SORCS3: variants seen among roughly 807,000 people sequenced by gnomAD.
SORCS3 encodes VPS10 domain-containing receptor SorCS3.
A neutral mutation model predicts 146.3 loss-of-function variants in SORCS3; 57 were observed. The ratio of observed to expected loss-of-function variants is 0.39; its 90% CI spans 0.31 to 0.49. SORCS3 has a LOEUF of 0.49. Among genes scored for constraint, SORCS3 ranks in the 20% least tolerant of loss-of-function variants. SORCS3 has a pLI of 0.92. For missense variants in SORCS3, 1,341 were observed against 1,575.5 expected, an observed-to-expected ratio of 0.85 and a Z score of 2.52; for synonymous variants, 653 against 618.5, an observed-to-expected ratio of 1.06 and a Z score of -0.83.
In SORCS3 at chr10:104,858,869, C is replaced by G. The variant is rs558678242; in HGVS notation, c.695+16010C>G. ...ATCTCCTGACCTCGTGATCCGCCCC[C>G]CTCAGCCTCCCAAAGTGCTGGGATT... On this transcript the variant is annotated intron_variant, in intron 2 of 26. Transcript: ENST00000369701. 3.4e-3 allele frequency among the ~76,000 whole-genome samples: 508 copies of G among 150,834 alleles called. 2 individuals are homozygous for G. The highest frequency in any genetic ancestry group is 0.018 in the South Asian group (85 of 4,780).
chr10:104,948,685 C>A (rs760334111), intron 3 of SORCS3, among the ~76,000 whole-genome samples: 47 of 152,190 alleles, frequency 3.1e-4, no homozygotes, highest in Non-Finnish European at 6.2e-4. Context: ...AGGGAAGGAA[C>A]CTCTGCAAGA....
intron 22 of SORCS3, 139 bp downstream of exon 22, chr10:105,247,470 C>T (rs955582226): frequency 9.5e-6 from 5 of 523,862 alleles, no homozygotes; most frequent in Non-Finnish European, 1.7e-5. Flanking sequence ...AGAGAAGAGG[C>T]TGGGTGCAGT....
intron 4 of SORCS3, among the ~76,000 whole-genome samples, chr10:104,999,803 G>T (rs537889945): frequency 9.6e-4 from 146 of 151,982 alleles, no homozygotes; most frequent in Non-Finnish European, 1.5e-3. Context: ...TCCACAAGTG[G>T]GACTCAGATT....
At chr10:104,691,829 C>A (rs2016116768) in intron 1 of SORCS3, among the ~76,000 whole-genome samples, 1 of 152,148 alleles carries the variant, frequency 6.6e-6, no homozygotes, top group South Asian at 2.1e-4. Flanking sequence ...TAACTTCAAA[C>A]TCCTGGGCTC....
intron 3 of SORCS3, among the ~76,000 whole-genome samples, chr10:104,953,567 G>A (rs1046484375): frequency 1.5e-4 from 23 of 152,338 alleles, no homozygotes; most frequent in African/African-American, 5.1e-4. Context: ...GCATTTTCCA[G>A]GTGCCACCAT....
At chr10:104,690,106 G>C (rs1445154282) in intron 1 of SORCS3, among the ~76,000 whole-genome samples, 1 of 152,176 alleles carries the variant, frequency 6.6e-6, no homozygotes, top group Non-Finnish European at 1.5e-5. Context: ...TCTGGGTCTG[G>C]CTCACTGAGG....
chr10:105,188,942 G>A (rs1442937754), intron 14 of SORCS3, among the ~76,000 whole-genome samples: 1 of 152,174 alleles, frequency 6.6e-6, no homozygotes, highest in Non-Finnish European at 1.5e-5. Flanking sequence ...GATGGTGTAT[G>A]ACTCACCGGA....
chr10:104,784,304 G>A lies in SORCS3; in HGVS notation c.628-58488G>A, dbSNP rs574062230. On this transcript the variant is annotated intron_variant, in intron 1 of 26. Transcript: ENST00000369701. Reference sequence around the variant, plus strand: ...GGTGGGAGGGTGCTCCTGGTATCTAGTGAGTAGAGGCCAGGGAGGCTGCTA... The same window carrying A: ...GGTGGGAGGGTGCTCCTGGTATCTAATGAGTAGAGGCCAGGGAGGCTGCTA... 3.3e-5 allele frequency among the ~76,000 whole-genome samples: 5 copies of A among 152,294 alleles called. No homozygotes were observed. The East Asian group carries it at 9.7e-4, about 29-fold the overall frequency.
At chr10:104,858,770 C>T (rs977510086) in intron 2 of SORCS3, among the ~76,000 whole-genome samples, 2 of 151,584 alleles carry the variant, frequency 1.3e-5, no homozygotes, top group South Asian at 2.1e-4. Context: ...TACAGGTACC[C>T]GCCACCACGC....
rs558515776 is a variant in SORCS3, at chr10:104,939,938, T to C, written c.795+24006T>C. Among the ~76,000 whole-genome samples, 9 of 152,108 alleles carry C rather than the reference T, an allele frequency of 5.9e-5. No individual in the cohort carries two copies. In the East Asian group the frequency reaches 1.7e-3, roughly 30 times the overall value. On this transcript the variant is annotated intron_variant, in intron 3 of 26. Transcript: ENST00000369701. Reference sequence around the variant, plus strand: ...ATGCCTTTGTTACCGGAAAGGGGTCTGGATCCAGACACCAAGGGAGGGTTC... The same window carrying C: ...ATGCCTTTGTTACCGGAAAGGGGTCCGGATCCAGACACCAAGGGAGGGTTC...
intron 22 of SORCS3, among the ~76,000 whole-genome samples, chr10:105,251,847 C>T (rs2056900740): frequency 6.6e-6 from 1 of 152,160 alleles, no homozygotes; most frequent in South Asian, 2.1e-4. Flanking sequence ...CTCGTATTCT[C>T]AGCCTCTTAA....
intron 1 of SORCS3, among the ~76,000 whole-genome samples, chr10:104,785,543 A>T (rs905091855): frequency 1.5e-5 from 2 of 136,428 alleles, no homozygotes; most frequent in African/African-American, 5.7e-5. Flanking sequence ...ACCCTGCCAA[A>T]TCCCCCTCTG....
intron 2 of SORCS3, among the ~76,000 whole-genome samples, chr10:104,901,037 T>C (rs1419665593): frequency 1.3e-5 from 2 of 152,212 alleles, no homozygotes. Context: ...TACTCAACCC[T>C]CTTTCAAAGC....
At chr10:104,840,055 G>C (rs982659549) in intron 1 of SORCS3, among the ~76,000 whole-genome samples, 1 of 152,162 alleles carries the variant, frequency 6.6e-6, no homozygotes, top group Non-Finnish European at 1.5e-5. Context: ...CCTGTTGCTT[G>C]TAACCATTGG....
chr10:105,175,400 A>C (rs2056393775), intron 13 of SORCS3, among the ~76,000 whole-genome samples: 1 of 152,052 alleles, frequency 6.6e-6, no homozygotes, highest in South Asian at 2.1e-4. Flanking sequence ...TGAGACAGAG[A>C]GAGGCCTTAA....
rs531814375 is a variant in SORCS3 at position 104,859,958 on chromosome 10, T to G, written c.695+17099T>G. 1.4e-3 allele frequency among the ~76,000 whole-genome samples: 115 copies of G among 82,376 alleles called. 3 individuals are homozygous for G. Among genetic ancestry groups the G allele is most frequent in the Middle Eastern group, 6.2e-3 (1 of 162 alleles). The allele number at this position is 82,376 out of a possible 152,430, so 54.0% of individuals were successfully genotyped here. A position where few individuals can be genotyped will look rare whatever the true frequency, so the allele number is the denominator to read the frequency against. ...GGATGTAGAGAAGTAGGAACACTTT[T>G]ACACTGTTGGTGGGACTGTAAACTA... On this transcript the variant is annotated intron_variant, in intron 2 of 26. Coordinates refer to ENST00000369701, the MANE Select transcript of SORCS3 (RefSeq NM_014978.3).
intron 2 of SORCS3, among the ~76,000 whole-genome samples, chr10:104,899,340 T>C (rs2018829295): frequency 6.6e-6 from 1 of 152,224 alleles, no homozygotes; most frequent in African/African-American, 2.4e-5. Context: ...AATTCAGCTG[T>C]ATGGAGTTCT....
chr10:104,671,656 T>G (rs2015856045), intron 1 of SORCS3, among the ~76,000 whole-genome samples: 1 of 152,022 alleles, frequency 6.6e-6, no homozygotes, highest in Admixed American at 6.6e-5. Context: ...TTCCTTCTAT[T>G]CCTAGTTTGT....
intron 5 of SORCS3, among the ~76,000 whole-genome samples, chr10:105,061,541 T>A (rs2133718463): frequency 6.6e-6 from 1 of 151,596 alleles, no homozygotes; most frequent in African/African-American, 2.4e-5. Flanking sequence ...GTGATCCACC[T>A]GCCTCGGCCC....
Sources: allele counts gnomAD v4.1 joint callset (sites outside exome capture counted in the v4.1 genomes callset), GRCh38; gene constraint gnomAD v4.1.1; transcripts MANE v1.5; gene names NCBI Gene and HGNC (gene_info 2026-07-23, HGNC 2026-07-21).